TSHZ2: variants seen among roughly 807,000 people sequenced by gnomAD.
TSHZ2 encodes the protein teashirt homolog 2.
A neutral mutation model predicts 74.4 loss-of-function variants in TSHZ2; 21 were observed. The ratio of observed to expected loss-of-function variants is 0.28; its 90% CI spans 0.20 to 0.41. TSHZ2 has a LOEUF of 0.41. Ranked by LOEUF, TSHZ2 falls within the 10% of genes least tolerant of loss-of-function variation. The pLI, the probability that TSHZ2 is intolerant of heterozygous loss-of-function variation, is 1.00. For missense variants in TSHZ2, 1,244 were observed against 1,293.5 expected, an observed-to-expected ratio of 0.96 and a Z score of 0.59; for synonymous variants, 540 against 515.3, an observed-to-expected ratio of 1.05 and a Z score of -0.65.
chr20:53,348,211 A>G (rs1980513021), intron 2 of TSHZ2, among the ~76,000 whole-genome samples: 1 of 152,226 alleles, frequency 6.6e-6, no homozygotes, highest in Admixed American at 6.5e-5. Flanking sequence ...TGTTCCTAGA[A>G]GCACTCTTTG....
chr20:53,272,071 G>A (rs545882913), intron 2 of TSHZ2, among the ~76,000 whole-genome samples: 64 of 152,072 alleles, frequency 4.2e-4, no homozygotes, highest in African/African-American at 1.4e-3. Context: ...GAGTGCAGTG[G>A]TGCGATTTCG....
intron 2 of TSHZ2, among the ~76,000 whole-genome samples, chr20:53,303,171 C>T (rs1465890470): frequency 3.3e-5 from 5 of 152,192 alleles, no homozygotes; most frequent in African/African-American, 7.2e-5. Flanking sequence ...AAAAACTGCA[C>T]GTGCTCTTTA....
intron 1 of TSHZ2, among the ~76,000 whole-genome samples, chr20:52,988,749 G>GA (rs1314581747): frequency 4.6e-5 from 7 of 151,990 alleles, no homozygotes; most frequent in African/African-American, 7.3e-5. Context: ...AACAAAAGTA[G>GA]AAAAAAATCA....
chr20:53,099,742 G>T (rs2123288299), intron 1 of TSHZ2, among the ~76,000 whole-genome samples: 1 of 152,260 alleles, frequency 6.6e-6, no homozygotes, highest in African/African-American at 2.4e-5. Context: ...GATCTTGTGA[G>T]ACCTATTCAC....
intron 1 of TSHZ2, among the ~76,000 whole-genome samples, chr20:53,193,867 A>T (rs946627974): frequency 6.6e-6 from 1 of 152,200 alleles, no homozygotes; most frequent in South Asian, 2.1e-4. Context: ...AGAGGGAGGA[A>T]CCTTGAACCT....
At chr20:53,311,033 G>C (rs1978762931) in intron 2 of TSHZ2, among the ~76,000 whole-genome samples, 1 of 152,214 alleles carries the variant, frequency 6.6e-6, no homozygotes, top group Non-Finnish European at 1.5e-5. Flanking sequence ...TGGTGGGGTA[G>C]ACCATTGTGC....
intron 2 of TSHZ2, among the ~76,000 whole-genome samples, chr20:53,385,516 A>T (rs560387117): frequency 6.6e-6 from 1 of 152,280 alleles, no homozygotes; most frequent in Admixed American, 6.5e-5. Flanking sequence ...CATACTTAGC[A>T]GTCATGGGAA....
chr20:53,161,166 C>A (rs1000788409), intron 1 of TSHZ2, among the ~76,000 whole-genome samples: 5 of 117,018 alleles, frequency 4.3e-5, no homozygotes, highest in East Asian at 2.8e-4. Flanking sequence ...GGAGGTAATG[C>A]AAGGCTATCT....
chr20:53,290,870 G>GT (rs1034163170), intron 2 of TSHZ2, among the ~76,000 whole-genome samples: 2 of 152,116 alleles, frequency 1.3e-5, no homozygotes, highest in Admixed American at 6.5e-5. Flanking sequence ...TGTAAATAAA[G>GT]TTTTTTTGGA....
intron 1 of TSHZ2, among the ~76,000 whole-genome samples, chr20:52,997,971 G>A (rs1982268734): frequency 6.6e-6 from 1 of 152,142 alleles, no homozygotes; most frequent in Admixed American, 6.5e-5. Context: ...AGATTCTCAT[G>A]CCCCACCCCA....
At chr20:53,156,197 T>C (rs1418663654) in intron 1 of TSHZ2, among the ~76,000 whole-genome samples, 1 of 152,196 alleles carries the variant, frequency 6.6e-6, no homozygotes, top group Non-Finnish European at 1.5e-5. Context: ...TGTTTCTTTT[T>C]ACCCATATCT....
intron 1 of TSHZ2, among the ~76,000 whole-genome samples, chr20:53,095,538 G>A (rs1986012914): frequency 6.6e-6 from 1 of 150,852 alleles, no homozygotes; most frequent in African/African-American, 2.4e-5. Flanking sequence ...TAGGTGGCAG[G>A]GAACAACAAC....
intron 1 of TSHZ2, among the ~76,000 whole-genome samples, chr20:53,024,545 T>G (rs1267535804): frequency 6.6e-6 from 1 of 152,094 alleles, no homozygotes; most frequent in East Asian, 1.9e-4. Context: ...GAGCAGAATG[T>G]GCAGGTTTGG....
rs1206760795 is a variant in TSHZ2, at chr20:53,255,105, G to A, written c.1647G>A (p.Gln549=). Residue 549 remains glutamine, a synonymous_variant, in exon 2 of 3, where the codon CAG becomes CAA. Transcript: ENST00000371497. The surrounding 1 kb of genome is among the most constrained non-coding windows in gnomAD (Gnocchi z 4.1). ...ACCCCAGCATCCACGCAGCCTACCA[G>A]CTGTCTGAGGGCACCAAGCCGCCTT... ...SAYPSIHAAY[Q]LSEGTKPPLP... is the part of the protein sequence containing the mutation. 1 of 1,614,168 alleles carries A rather than the reference G, an allele frequency of 6.2e-7. No homozygotes were observed. Among genetic ancestry groups the A allele is most frequent in the South Asian group, 1.1e-5 (1 of 91,076 alleles).
At chr20:53,359,818 A>C (rs751278479) in intron 2 of TSHZ2, among the ~76,000 whole-genome samples, 1 of 152,232 alleles carries the variant, frequency 6.6e-6, no homozygotes, top group African/African-American at 2.4e-5. Context: ...GCCAGGCTAA[A>C]GATGGTGAGA....
chr20:53,296,054 A>T (rs79273494), intron 2 of TSHZ2, among the ~76,000 whole-genome samples: 11,186 of 149,242 alleles, frequency 0.075, 476 homozygotes, highest in Middle Eastern at 0.12. Context: ...AAAAAAAAAA[A>T]ATCCAGGCAG....
At chr20:53,268,674 G>A (rs559300908) in intron 2 of TSHZ2, among the ~76,000 whole-genome samples, 6 of 152,314 alleles carry the variant, frequency 3.9e-5, no homozygotes, top group East Asian at 1.9e-4. Flanking sequence ...ATCTTGGATG[G>A]CTATTTAATT....
intron 1 of TSHZ2, among the ~76,000 whole-genome samples, chr20:53,127,025 AAAG>A (rs563382859): frequency 1.3e-3 from 194 of 152,308 alleles, no homozygotes; most frequent in African/African-American, 3.8e-3. Flanking sequence ...AGGTAAAAAA[AAAG>A]AAGAAGAGGA....
intron 1 of TSHZ2, among the ~76,000 whole-genome samples, chr20:53,210,700 G>A (rs1240412860): frequency 1.3e-5 from 2 of 151,978 alleles, no homozygotes; most frequent in African/African-American, 2.4e-5. Flanking sequence ...CCCACTTAAA[G>A]CTTCAGGTCT....
Sources: allele counts gnomAD v4.1 joint callset (sites outside exome capture counted in the v4.1 genomes callset), GRCh38; gene constraint gnomAD v4.1.1; non-coding constraint Gnocchi (gnomAD v3.1); transcripts MANE v1.5; gene names NCBI Gene and HGNC (gene_info 2026-07-23, HGNC 2026-07-21).